Variants in RETREG1 observed in about 807,000 individuals in gnomAD.
RETREG1 encodes the protein reticulophagy regulator 1, also known as family with sequence similarity 134 member B.
Under a neutral mutation model 54.8 loss-of-function variants are expected in RETREG1, and 44 were observed. The observed-to-expected ratio is 0.80, with a 90% CI of 0.63 to 1.03. RETREG1 has a LOEUF of 1.03. Among genes scored for constraint, RETREG1 ranks in the 50% least tolerant of loss-of-function variants. The pLI is 0.00. For missense variants in RETREG1, 554 were observed against 605.1 expected, an observed-to-expected ratio of 0.92 and a Z score of 0.89; for synonymous variants, 217 against 238.5, an observed-to-expected ratio of 0.91 and a Z score of 0.83.
At chr5:16,569,406 G>A (rs1314455371) in intron 2 of RETREG1, among the ~76,000 whole-genome samples, 1 of 151,944 alleles carries the variant, frequency 6.6e-6, no homozygotes, top group Non-Finnish European at 1.5e-5. Context: ...AGGATTGCAG[G>A]GAGGCTCTGC....
At chr5:16,503,290 C>A (rs1281556220) in intron 3 of RETREG1, among the ~76,000 whole-genome samples, 1 of 152,074 alleles carries the variant, frequency 6.6e-6, no homozygotes, top group Non-Finnish European at 1.5e-5. Flanking sequence ...CCAGCTGGGA[C>A]AAAATAGGAT....
chr5:16,483,752 T>A (rs1738907897), intron 3 of RETREG1, among the ~76,000 whole-genome samples: 1 of 152,016 alleles, frequency 6.6e-6, no homozygotes, highest in Non-Finnish European at 1.5e-5. Flanking sequence ...ATTTTAAAAC[T>A]CAGATATGGG....
At chr5:16,499,428 A>T (rs544931491) in intron 3 of RETREG1, among the ~76,000 whole-genome samples, 17 of 152,364 alleles carry the variant, frequency 1.1e-4, no homozygotes, top group Admixed American at 8.5e-4. Flanking sequence ...GTAATTTCTA[A>T]GAAACATAAA....
Position 16,474,888 on chromosome 5 carries a change from A to G in RETREG1, c.1347T>C (p.Thr449=), listed in dbSNP as rs1358462930. ...AAPIPEEDTD[T]EEGDDFELLD... ...GTAGTTCAAAGTCATCACCTTCTTC[A>G]GTGTCTGTGTCCTCTTCTGGGATGG... Residue 449 remains threonine, a synonymous_variant, in exon 9 of 9, where the codon ACT becomes ACC. Transcript: ENST00000306320. 6.2e-7 allele frequency: 1 copy of G among 1,613,854 alleles called. No homozygotes were observed. The highest frequency in any genetic ancestry group is 1.1e-5 in the South Asian group (1 of 91,068).
intron 1 of RETREG1, among the ~76,000 whole-genome samples, chr5:16,590,813 C>G (rs1159335991): frequency 6.6e-6 from 1 of 150,864 alleles, no homozygotes; most frequent in Non-Finnish European, 1.5e-5. Flanking sequence ...AAAAAACACA[C>G]AGACATGCAA....
intron 1 of RETREG1, among the ~76,000 whole-genome samples, chr5:16,588,333 A>C (rs188536649): frequency 6.6e-6 from 1 of 152,278 alleles, no homozygotes; most frequent in East Asian, 1.9e-4. Context: ...TCTGCCTCTC[A>C]TAAGGACACC....
At chr5:16,566,087 C>A (rs769117257) in intron 2 of RETREG1, among the ~76,000 whole-genome samples, 1 of 152,124 alleles carries the variant, frequency 6.6e-6, no homozygotes, top group Admixed American at 6.5e-5. Context: ...TCCCCTGGGG[C>A]AGACAAAATA....
At chr5:16,504,004 T>C (rs1216709141) in intron 3 of RETREG1, among the ~76,000 whole-genome samples, 1 of 152,180 alleles carries the variant, frequency 6.6e-6, no homozygotes, top group Admixed American at 6.5e-5. Flanking sequence ...ACCCATCACC[T>C]AGGTATTAAG....
At chr5:16,550,147 G>A (rs1014733077) in intron 3 of RETREG1, among the ~76,000 whole-genome samples, 4 of 152,000 alleles carry the variant, frequency 2.6e-5, no homozygotes, top group Non-Finnish European at 2.9e-5. Flanking sequence ...ATACACCCCA[G>A]TGAGGATACT....
intron 3 of RETREG1, chr5:16,509,396 T>C (rs1287901288): frequency 6.6e-6 from 1 of 152,168 alleles, no homozygotes. Flanking sequence ...CAAAACGCTT[T>C]CTCCCCAGGA....
intron 3 of RETREG1, among the ~76,000 whole-genome samples, chr5:16,498,863 C>T (rs943985996): frequency 3.3e-5 from 5 of 152,194 alleles, no homozygotes; most frequent in Non-Finnish European, 7.3e-5. Context: ...TTTACAAACC[C>T]TGTACACTTA....
chr5:16,496,037 T>C (rs1028692553), intron 3 of RETREG1, among the ~76,000 whole-genome samples: 2 of 152,240 alleles, frequency 1.3e-5, no homozygotes, highest in South Asian at 2.1e-4. Flanking sequence ...GGAGCAAGGA[T>C]TTAATGACAG....
intron 3 of RETREG1, among the ~76,000 whole-genome samples, chr5:16,504,464 G>A (rs1016732304): frequency 1.3e-5 from 2 of 152,130 alleles, no homozygotes; most frequent in Non-Finnish European, 2.9e-5. Context: ...ACCACATAGA[G>A]CAGATTCCAT....
chr5:16,536,864 G>T (rs1004759357), intron 3 of RETREG1, among the ~76,000 whole-genome samples: 1 of 152,200 alleles, frequency 6.6e-6, no homozygotes, highest in Non-Finnish European at 1.5e-5. Flanking sequence ...CTTGGGAGCT[G>T]CCAGAGATGA....
chr5:16,601,663 T>C (rs1471232622), intron 1 of RETREG1, among the ~76,000 whole-genome samples: 4 of 152,198 alleles, frequency 2.6e-5, no homozygotes, highest in Admixed American at 6.5e-5. Context: ...CCCAAAGTGC[T>C]GCGATTATAG....
At chr5:16,520,944 G>A (rs534389072) in intron 3 of RETREG1, among the ~76,000 whole-genome samples, 120 of 152,208 alleles carry the variant, frequency 7.9e-4, no homozygotes, top group East Asian at 5.8e-4. Flanking sequence ...TTTGGTGACA[G>A]CTTAGGAAGG....
At chr5:16,614,634 C>T (rs1334323620) in intron 1 of RETREG1, among the ~76,000 whole-genome samples, 2 of 152,174 alleles carry the variant, frequency 1.3e-5, no homozygotes, top group East Asian at 3.9e-4. Context: ...ATTACAAGTG[C>T]ACATGCCCTC....
chr5:16,516,063 CA>C (rs11351805), intron 3 of RETREG1, among the ~76,000 whole-genome samples: 51,981 of 121,126 alleles, frequency 0.43, 9,264 homozygotes, highest in Admixed American at 0.48. Flanking sequence ...TGAAATAAAG[CA>C]AAAAAAAAAA....
chr5:16,506,003 T>G (rs1373347801), intron 3 of RETREG1, among the ~76,000 whole-genome samples: 2 of 152,144 alleles, frequency 1.3e-5, no homozygotes, highest in African/African-American at 4.8e-5. Flanking sequence ...TGACATAAGA[T>G]AAACCACAAG....
Sources: allele counts gnomAD v4.1 joint callset (sites outside exome capture counted in the v4.1 genomes callset), GRCh38; gene constraint gnomAD v4.1.1; transcripts MANE v1.5; gene names NCBI Gene and HGNC (gene_info 2026-07-23, HGNC 2026-07-21).